The following SMOC1 variants were observed in gnomAD, a reference collection of about 807,000 sequenced individuals.
SMOC1 encodes the protein SPARC-related modular calcium-binding protein 1.
In SMOC1, 22 loss-of-function variants were observed where a neutral mutation model predicts 56.3. The observed-to-expected ratio is 0.39, with a 90% CI of 0.28 to 0.56. The LOEUF (loss-of-function observed/expected upper bound fraction) is 0.56. Ranked by LOEUF, SMOC1 falls within the 20% of genes least tolerant of loss-of-function variation. The pLI is 0.61. For synonymous variants in SMOC1, 193 were observed against 215.0 expected (o/e 0.90, Z 0.89); for missense variants, 509 against 565.4 (o/e 0.90, Z 1.01).
intron 1 of SMOC1, among the ~76,000 whole-genome samples, chr14:69,902,669 C>T (rs7154248): frequency 0.032 from 4,922 of 151,844 alleles, 201 homozygotes; most frequent in African/African-American, 0.094. Context: ...GATGCCGAGC[C>T]GAAGCTGGAC....
Position 70,010,978 on chromosome 14 carries a change from C to T in SMOC1, c.857+32C>T, listed in dbSNP as rs34311408. On this transcript the variant is annotated intron_variant, in intron 8 of 11. Coordinates refer to ENST00000361956, the MANE Select transcript of SMOC1 (RefSeq NM_001034852.3). ...CCCCCAGACTGGGTCCTGGGAAAAA[C>T]GCACCTGCTGGCTGTTATCCATGCT... 306,434 of 1,610,186 alleles carry T rather than the reference C, an allele frequency of 0.19. 32,251 individuals are homozygous for T. The highest frequency in any genetic ancestry group is 0.41 in the East Asian group (18,301 of 44,828).
Position 69,879,434 on chromosome 14 carries a change from C to T in SMOC1, c.-245C>T, listed in dbSNP as rs368442479. Reference sequence around the variant, plus strand: ...CGGGCTCAGGCGTCCAACCTGCTGCCGCCTGGGCCCCGCCGAGCGGAGCTA... The same window carrying T: ...CGGGCTCAGGCGTCCAACCTGCTGCTGCCTGGGCCCCGCCGAGCGGAGCTA... On this transcript the variant is annotated 5_prime_UTR_variant, in exon 1 of 12. Transcript: ENST00000361956. 5.3e-6 allele frequency: 2 copies of T among 380,742 alleles called. No homozygotes were observed. Among genetic ancestry groups the T allele is most frequent in the East Asian group, 8.5e-5 (2 of 23,592 alleles). 23.6% of individuals were successfully genotyped at this position (380,742 alleles called of 1,614,324 possible). A position where few individuals can be genotyped will look rare whatever the true frequency, so the allele number is the denominator to read the frequency against.
Position 70,030,486 on chromosome 14 carries a change from A to T in SMOC1, c.*228A>T. 5 of 231,514 alleles carry T rather than the reference A, an allele frequency of 2.2e-5. No individual in the cohort carries two copies. Among genetic ancestry groups the T allele is most frequent in the Admixed American group, 8.1e-5 (1 of 12,346 alleles). 14.3% of individuals were successfully genotyped at this position (231,514 alleles called of 1,614,324 possible). On this transcript the variant is annotated 3_prime_UTR_variant, in exon 12 of 12. Coordinates refer to ENST00000361956, the MANE Select transcript of SMOC1 (RefSeq NM_001034852.3). Reference sequence around the variant, plus strand: ...GAAAAGGAAAGGGAAGAAAGACTTTATTCTCTCTCTTATTGTAAGTTTTTG... The same window carrying T: ...GAAAAGGAAAGGGAAGAAAGACTTTTTTCTCTCTCTTATTGTAAGTTTTTG...
At chr14:69,961,468 C>T (rs568492621) in intron 3 of SMOC1, among the ~76,000 whole-genome samples, 11 of 151,850 alleles carry the variant, frequency 7.2e-5, no homozygotes, top group African/African-American at 2.4e-4. Flanking sequence ...ACAACCTCCA[C>T]CTCCTGGTCT....
chr14:70,012,816 G>A (rs1488352455), intron 9 of SMOC1, among the ~76,000 whole-genome samples: 2 of 152,156 alleles, frequency 1.3e-5, no homozygotes, highest in Non-Finnish European at 2.9e-5. Context: ...GAGGAAAAAA[G>A]GAACAAGGAC....
At chr14:70,023,175 G>A in intron 10 of SMOC1, 28 bp from the exon 11 acceptor site, 1 of 1,613,868 alleles carries the variant, frequency 6.2e-7, no homozygotes, top group Admixed American at 1.7e-5. Context: ...GGTGTTCTCT[G>A]CGGTGGGGGT....
chr14:70,021,242 T>G (rs980644030), intron 10 of SMOC1, among the ~76,000 whole-genome samples: 1 of 151,978 alleles, frequency 6.6e-6, no homozygotes, highest in Non-Finnish European at 1.5e-5. Flanking sequence ...TCCCTGCTGT[T>G]TGGGGAAAGG....
intron 10 of SMOC1, among the ~76,000 whole-genome samples, chr14:70,021,014 C>T (rs555965175): frequency 3.3e-5 from 5 of 152,278 alleles, no homozygotes; most frequent in East Asian, 3.9e-4. Flanking sequence ...CATCCCTTCC[C>T]GTCTCAGTGA....
rs569257636 is a variant in SMOC1 at position 69,984,525 on chromosome 14, C to T, written c.526+6560C>T. ...TAGAGAATATAAACAACTCTTAAAGCTTAGCAGCTAAAAAACAGTTTAATT... is the reference window on the plus strand; with the variant it reads ...TAGAGAATATAAACAACTCTTAAAGTTTAGCAGCTAAAAAACAGTTTAATT... On this transcript the variant is annotated intron_variant, in intron 5 of 11. Transcript: ENST00000361956. Among the ~76,000 whole-genome samples, 4 of 152,170 alleles carry T rather than the reference C, an allele frequency of 2.6e-5. No individual in the cohort carries two copies. The South Asian group carries it at 8.3e-4, about 32-fold the overall frequency.
At chr14:69,930,046 C>T (rs1219207678) in intron 1 of SMOC1, among the ~76,000 whole-genome samples, 1 of 152,060 alleles carries the variant, frequency 6.6e-6, no homozygotes. Context: ...GCAGCCCCAA[C>T]CCCTGTATCC....
intron 5 of SMOC1, among the ~76,000 whole-genome samples, chr14:69,991,260 C>G (rs528369360): frequency 1.1e-4 from 17 of 152,000 alleles, no homozygotes; most frequent in African/African-American, 3.9e-4. Flanking sequence ...CTCCTTCCCT[C>G]CCCCCGTGGA....
At position 69,915,019 on chromosome 14, in the gene SMOC1, A is replaced by C. The variant is rs184915340; in HGVS notation, c.99+35242A>C. Among the ~76,000 whole-genome samples, 26 of 152,000 alleles carry C rather than the reference A, an allele frequency of 1.7e-4. No individual in the cohort carries two copies. The East Asian group carries it at 4.8e-3, about 28-fold the overall frequency. On this transcript the variant is annotated intron_variant, in intron 1 of 11. Coordinates refer to ENST00000361956, the MANE Select transcript of SMOC1 (RefSeq NM_001034852.3). ...GTAGCTGGAATTATAGCCGCCCACCACCACGCCCGGCTAATTTTTTGTATT... is the reference window on the plus strand; with the variant it reads ...GTAGCTGGAATTATAGCCGCCCACCCCCACGCCCGGCTAATTTTTTGTATT...
intron 11 of SMOC1, among the ~76,000 whole-genome samples, chr14:70,028,116 A>G (rs1405536872): frequency 2.6e-5 from 4 of 152,186 alleles, no homozygotes; most frequent in African/African-American, 9.7e-5. Flanking sequence ...TGGAAATTCC[A>G]CTGGATCACA....
chr14:69,897,024 TG>T (rs939054384), intron 1 of SMOC1, among the ~76,000 whole-genome samples: 3 of 152,234 alleles, frequency 2.0e-5, no homozygotes, highest in Non-Finnish European at 4.4e-5. Flanking sequence ...CTGATTGATG[TG>T]CCCTCCTCAT....
At chr14:70,030,202 CTTTTTT>C in intron 11 of SMOC1, 34 bp from the exon 12 acceptor site, 4 of 1,514,470 alleles carry the variant, frequency 2.6e-6, no homozygotes, top group Admixed American at 1.9e-5. Flanking sequence ...TGCCCCCGAC[CTTTTTT>C]TTTTTTTTTT....
intron 5 of SMOC1, among the ~76,000 whole-genome samples, chr14:69,982,218 T>C (rs890501955): frequency 6.6e-6 from 1 of 152,204 alleles, no homozygotes; most frequent in Non-Finnish European, 1.5e-5. Flanking sequence ...ACTAATATAC[T>C]CTGCTAAACT....
At chr14:69,940,281 C>A (rs1882503411) in intron 1 of SMOC1, among the ~76,000 whole-genome samples, 1 of 152,138 alleles carries the variant, frequency 6.6e-6, no homozygotes, top group Admixed American at 6.5e-5. Context: ...TCACTGGGTG[C>A]AAAGAGCTAC....
In SMOC1 at chr14:69,952,288, C is replaced by T. The variant is rs1254403166; in HGVS notation, c.250C>T (p.Arg84Ter). Residue 84 changes from arginine (R) to a stop codon, truncating the protein, a stop_gained, in exon 2 of 12, where the codon CGA becomes TGA. Transcript: ENST00000361956. LOFTEE classifies it high-confidence loss of function. ...CRDPTLGVVH[R>*]GRCKDAGQSK... ...AGACCCGACCCTGGGCGTGGTGCAT[C>T]GAGGTAGATGCAAAGGTGAGTGTGT... The T allele has an allele frequency of 3.1e-6, 5 of 1,614,134 alleles. No individual in the cohort carries two copies. The South Asian group carries it at 3.3e-5, about 11-fold the overall frequency.
intron 1 of SMOC1, among the ~76,000 whole-genome samples, chr14:69,939,619 A>G (rs909766467): frequency 6.6e-6 from 1 of 152,206 alleles, no homozygotes; most frequent in Non-Finnish European, 1.5e-5. Flanking sequence ...ACAGTCTGCT[A>G]AAGGGACCCA....
Sources: gnomAD v4.1 joint callset for allele counts (sites outside exome capture counted in the v4.1 genomes callset) on GRCh38, gnomAD v4.1.1 for gene constraint, MANE v1.5 for transcripts, NCBI Gene and HGNC (gene_info 2026-07-23, HGNC 2026-07-21) for gene names.